The following PRKN variants were observed in gnomAD, a reference collection of about 807,000 sequenced individuals.
The protein encoded by PRKN is parkin RBR E3 ubiquitin protein ligase.
In PRKN, 56 loss-of-function variants were observed where a neutral mutation model predicts 59.5. The ratio of observed to expected loss-of-function variants is 0.94; its 90% CI spans 0.76 to 1.18. The LOEUF is 1.18. PRKN is among the 50% of genes most tolerant of loss of function. The pLI is 0.00. For synonymous variants in PRKN, 250 were observed against 222.1 expected (o/e 1.13, Z -1.12); for missense variants, 657 against 596.4 (o/e 1.10, Z -1.06).
At chr6:162,116,658 G>A (rs1780686756) in intron 4 of PRKN, among the ~76,000 whole-genome samples, 2 of 152,202 alleles carry the variant, frequency 1.3e-5, no homozygotes, top group Admixed American at 1.3e-4. Flanking sequence ...TATGGGTTCA[G>A]AGATAAAACA....
chr6:162,266,899 T>C (rs1363010676), intron 2 of PRKN, among the ~76,000 whole-genome samples: 1 of 152,124 alleles, frequency 6.6e-6, no homozygotes, highest in African/African-American at 2.4e-5. Context: ...GTTTGGAAAA[T>C]ATACAGAGAA....
At chr6:161,625,469 G>T (rs921100410) in intron 7 of PRKN, among the ~76,000 whole-genome samples, 4 of 152,198 alleles carry the variant, frequency 2.6e-5, no homozygotes, top group Middle Eastern at 3.4e-3. Context: ...CGTAAACGAC[G>T]AGTTGATGGG....
chr6:161,367,910 T>C (rs1414688549), intron 10 of PRKN, among the ~76,000 whole-genome samples: 2 of 152,090 alleles, frequency 1.3e-5, no homozygotes, highest in Non-Finnish European at 2.9e-5. Context: ...GAGAGATCAG[T>C]CTCAGAAAAC....
intron 4 of PRKN, 131 bp downstream of exon 4, chr6:162,201,000 T>C: frequency 9.6e-7 from 1 of 1,040,642 alleles, no homozygotes; most frequent in Non-Finnish European, 1.5e-6. Context: ...TATCATTAAC[T>C]ATCACAACCA....
At chr6:161,567,037 T>TTGTGTGTG (rs1554277340) in intron 8 of PRKN, among the ~76,000 whole-genome samples, 97 of 103,796 alleles carry the variant, frequency 9.3e-4, no homozygotes, top group East Asian at 7.4e-3. Flanking sequence ...TTTTTTTTTT[T>TTGTGTGTG]TGTGTGTGTG....
chr6:161,743,188 C>T (rs1474706676), intron 7 of PRKN, among the ~76,000 whole-genome samples: 1 of 146,684 alleles, frequency 6.8e-6, no homozygotes, highest in Non-Finnish European at 1.5e-5. Context: ...CCAACCTCTC[C>T]TTGCCTGTCT....
rs1185242870 is a variant in PRKN at position 162,626,373 on chromosome 6, GCTTTTCCCCTCAAAGGAAGACACTGTGCC to G, written c.7+101260_7+101288del. ...AGCATAATACTTGCACTTCCAAAAA[GCTTTTCCCCTCAAAGGAAGACACTGTGCC>G]CTTGAGAATGACTCTCGAATTAATC... On this transcript the variant is annotated intron_variant, in intron 1 of 11. Coordinates refer to ENST00000366898, the MANE Select transcript of PRKN (RefSeq NM_004562.3). Among the ~76,000 whole-genome samples the G allele has an allele frequency of 5.9e-5, 9 of 152,234 alleles. No individual in the cohort carries two copies. The South Asian group carries it at 1.7e-3, about 28-fold the overall frequency.
chr6:162,481,976 G>A (rs1400950667), intron 1 of PRKN, among the ~76,000 whole-genome samples: 1 of 152,038 alleles, frequency 6.6e-6, no homozygotes. Context: ...AATCTGGGGG[G>A]CTTGGTGTCT....
chr6:162,156,469 GC>G (rs796472361), intron 4 of PRKN, among the ~76,000 whole-genome samples: 5 of 152,306 alleles, frequency 3.3e-5, no homozygotes, highest in African/African-American at 1.2e-4. Flanking sequence ...AGGCCCAAGA[GC>G]CCCTGGCAAA....
At chr6:162,030,338 T>G (rs952697136) in intron 5 of PRKN, among the ~76,000 whole-genome samples, 4 of 152,108 alleles carry the variant, frequency 2.6e-5, no homozygotes, top group African/African-American at 9.7e-5. Flanking sequence ...GAATTAGAGG[T>G]ACTCTGAATG....
chr6:161,493,131 T>C (rs1485883144), intron 9 of PRKN, among the ~76,000 whole-genome samples: 1 of 152,214 alleles, frequency 6.6e-6, no homozygotes, highest in East Asian at 1.9e-4. Context: ...GTCTTCTTGG[T>C]CATATTATAA....
At chr6:161,957,777 A>C (rs2128247641) in intron 6 of PRKN, among the ~76,000 whole-genome samples, 1 of 152,216 alleles carries the variant, frequency 6.6e-6, no homozygotes, top group Middle Eastern at 3.4e-3. Flanking sequence ...TGTTTCTGAC[A>C]GTATCGCTAG....
At chr6:162,052,652 T>C (rs527967843) in intron 5 of PRKN, among the ~76,000 whole-genome samples, 2 of 152,308 alleles carry the variant, frequency 1.3e-5, no homozygotes, top group South Asian at 2.1e-4. Flanking sequence ...CCCAGGACTT[T>C]CTGTGCCGCA....
chr6:162,351,933 C>T (rs182259067), intron 2 of PRKN, among the ~76,000 whole-genome samples: 1 of 152,180 alleles, frequency 6.6e-6, no homozygotes, highest in East Asian at 1.9e-4. Flanking sequence ...TTTCCTACCA[C>T]CTTTGAGTAG....
intron 6 of PRKN, among the ~76,000 whole-genome samples, chr6:161,836,607 C>G (rs982475397): frequency 6.6e-6 from 1 of 152,146 alleles, no homozygotes; most frequent in Non-Finnish European, 1.5e-5. Flanking sequence ...AAACCAGAGA[C>G]GATCATAATT....
At chr6:161,820,444 A>G (rs1435072319) in intron 6 of PRKN, among the ~76,000 whole-genome samples, 3 of 149,592 alleles carry the variant, frequency 2.0e-5, no homozygotes, top group Non-Finnish European at 4.5e-5. Flanking sequence ...TTAAATATTT[A>G]TATTTTCATT....
intron 6 of PRKN, among the ~76,000 whole-genome samples, chr6:161,916,716 C>T (rs557877733): frequency 1.7e-4 from 26 of 152,310 alleles, no homozygotes; most frequent in African/African-American, 5.1e-4. Context: ...TTCTTCTACC[C>T]GGTTCCGTTC....
chr6:162,334,368 A>T (rs768213891), intron 2 of PRKN, among the ~76,000 whole-genome samples: 5 of 152,188 alleles, frequency 3.3e-5, no homozygotes, highest in Non-Finnish European at 7.3e-5. Context: ...GTTAGGGGCA[A>T]ATGCAGCTGG....
chr6:162,206,322 TAAGAG>T (rs1298269621), intron 3 of PRKN, among the ~76,000 whole-genome samples: 1 of 152,130 alleles, frequency 6.6e-6, no homozygotes, highest in African/African-American at 2.4e-5. Flanking sequence ...AAATGACATC[TAAGAG>T]AAGGAAAGTA....
Sources: gnomAD v4.1 joint callset for allele counts (sites outside exome capture counted in the v4.1 genomes callset) on GRCh38, gnomAD v4.1.1 for gene constraint, MANE v1.5 for transcripts, NCBI Gene and HGNC (gene_info 2026-07-23, HGNC 2026-07-21) for gene names.